The following STXBP6 variants were observed in gnomAD, a reference collection of about 807,000 sequenced individuals.
STXBP6 encodes syntaxin binding protein 6, also known as syntaxin-binding protein 6.
A neutral mutation model predicts 26.9 loss-of-function variants in STXBP6; 21 were observed. That is an observed-to-expected ratio of 0.78 (90% CI 0.55 to 1.12). STXBP6 has a LOEUF of 1.12. Ranked by LOEUF, STXBP6 falls within the 50% of genes most tolerant of loss-of-function variation. The pLI is 0.00. For synonymous variants in STXBP6, 97 were observed against 92.6 expected, an observed-to-expected ratio of 1.05 and a Z score of -0.27; for missense variants, 232 against 257.9, an observed-to-expected ratio of 0.90 and a Z score of 0.69.
chr14:24,935,758 C>A (rs934920068), intron 2 of STXBP6, among the ~76,000 whole-genome samples: 31 of 152,130 alleles, frequency 2.0e-4, no homozygotes, highest in African/African-American at 7.0e-4. Flanking sequence ...TCTTTGACTT[C>A]TTTTATTGAA....
At chr14:24,818,823 C>A (rs191768900) in intron 5 of STXBP6, among the ~76,000 whole-genome samples, 1 of 152,076 alleles carries the variant, frequency 6.6e-6, no homozygotes, top group Non-Finnish European at 1.5e-5. Flanking sequence ...GTCAGAGATA[C>A]GGCTGAGGAC....
chr14:24,817,009 T>C (rs2067998753), intron 5 of STXBP6: 1 of 152,224 alleles, frequency 6.6e-6, no homozygotes, highest in African/African-American at 2.4e-5. Context: ...CTCATTCAAT[T>C]CTCTGAACAC....
At chr14:24,983,479 T>A (rs770943986) in intron 1 of STXBP6, among the ~76,000 whole-genome samples, 14 of 152,242 alleles carry the variant, frequency 9.2e-5, no homozygotes, top group Non-Finnish European at 1.3e-4. Flanking sequence ...CTGCACTACT[T>A]GCTGAATTAG....
chr14:24,818,067 GTGTTTC>G, intron 5 of STXBP6: 1 of 456,680 alleles, frequency 2.2e-6, no homozygotes, highest in Non-Finnish European at 4.4e-6. Flanking sequence ...AGCAGAAGTG[GTGTTTC>G]TGTTAAAGCC....
intron 1 of STXBP6, among the ~76,000 whole-genome samples, chr14:25,013,322 T>C (rs1381852929): frequency 1.3e-5 from 2 of 152,160 alleles, no homozygotes; most frequent in African/African-American, 2.4e-5. Flanking sequence ...GCCAAACAGA[T>C]GATTGGATTG....
intron 2 of STXBP6, among the ~76,000 whole-genome samples, chr14:24,860,902 T>C (rs934968121): frequency 6.8e-6 from 1 of 146,468 alleles, no homozygotes; most frequent in African/African-American, 2.5e-5. Context: ...AAGGAAACAA[T>C]CAGTATATAC....
At chr14:24,974,609 T>C (rs2073993781) in intron 2 of STXBP6, 56 bp downstream of exon 2, 4 of 1,458,934 alleles carry the variant, frequency 2.7e-6, no homozygotes, top group South Asian at 1.3e-5. Context: ...TACCTCAGAA[T>C]GAACTGTTTT....
chr14:24,971,460 A>C (rs1207290322), intron 2 of STXBP6, among the ~76,000 whole-genome samples: 1 of 152,236 alleles, frequency 6.6e-6, no homozygotes, highest in Non-Finnish European at 1.5e-5. Context: ...ACCAAACCAC[A>C]ATAGTTGAAG....
chr14:24,986,022 A>G (rs2140261356), intron 1 of STXBP6, among the ~76,000 whole-genome samples: 1 of 152,302 alleles, frequency 6.6e-6, no homozygotes, highest in Non-Finnish European at 1.5e-5. Flanking sequence ...TAATGTAAAT[A>G]GTAGAGCAGT....
intron 1 of STXBP6, among the ~76,000 whole-genome samples, chr14:25,029,323 A>G (rs1225038849): frequency 4.6e-5 from 7 of 152,314 alleles, no homozygotes; most frequent in African/African-American, 1.4e-4. Flanking sequence ...CATTCTGACC[A>G]GGCAGCAGTC....
chr14:24,969,134 G>A (rs889941559), intron 2 of STXBP6, among the ~76,000 whole-genome samples: 3 of 152,122 alleles, frequency 2.0e-5, no homozygotes, highest in Non-Finnish European at 2.9e-5. Context: ...TCATCAAAAA[G>A]CATTCAGAAC....
In STXBP6 at chr14:25,049,736, G is replaced by T. The variant is rs2075777217; in HGVS notation, c.-33+142C>A. ...CCCGCCAACTTGGAAGAATCTCTCT[G>T]GGAGCCTGCCTACTCCCCTGGCCTC... On this transcript the variant is annotated intron_variant, in intron 1 of 5. Transcript: ENST00000323944. The surrounding 1 kb of genome is among the most constrained non-coding windows in gnomAD (Gnocchi z 5.6). 1 of 985,540 alleles carries T rather than the reference G, an allele frequency of 1.0e-6. No homozygotes were observed. Among genetic ancestry groups the T allele is most frequent in the Non-Finnish European group, 1.2e-6 (1 of 830,076 alleles). 61.0% of individuals were successfully genotyped at this position (985,540 alleles called of 1,614,324 possible).
intron 4 of STXBP6, among the ~76,000 whole-genome samples, chr14:24,846,563 A>G (rs2068969989): frequency 6.6e-6 from 1 of 152,200 alleles, no homozygotes; most frequent in Non-Finnish European, 1.5e-5. Context: ...AGGTTGCCAG[A>G]TAAAAATGAC....
intron 2 of STXBP6, among the ~76,000 whole-genome samples, chr14:24,954,313 G>C (rs932627098): frequency 2.0e-5 from 3 of 152,122 alleles, no homozygotes; most frequent in African/African-American, 7.2e-5. Flanking sequence ...TAAGGTGGGA[G>C]GGGAGCAGAC....
chr14:24,835,481 G>A (rs1254586826), intron 4 of STXBP6, among the ~76,000 whole-genome samples: 2 of 152,146 alleles, frequency 1.3e-5, no homozygotes, highest in Non-Finnish European at 2.9e-5. Flanking sequence ...TTTTGTATAT[G>A]AGGGTGAGAG....
At chr14:25,016,008 C>T (rs1595323600) in intron 1 of STXBP6, among the ~76,000 whole-genome samples, 1 of 152,136 alleles carries the variant, frequency 6.6e-6, no homozygotes, top group Admixed American at 6.5e-5. Context: ...CACTGTGCAG[C>T]TTCTCTTGCA....
At chr14:24,927,367 C>T (rs570358505) in intron 2 of STXBP6, among the ~76,000 whole-genome samples, 3 of 152,154 alleles carry the variant, frequency 2.0e-5, no homozygotes, top group Non-Finnish European at 4.4e-5. Context: ...ACTTTGTTTC[C>T]TCCTTGGCCT....
At chr14:24,886,989 T>C (rs974856559) in intron 2 of STXBP6, among the ~76,000 whole-genome samples, 3 of 152,148 alleles carry the variant, frequency 2.0e-5, no homozygotes, top group Non-Finnish European at 2.9e-5. Context: ...TTCTAAACAA[T>C]AAACATGCAA....
chr14:24,924,482 C>G (rs1176258455), intron 2 of STXBP6, among the ~76,000 whole-genome samples: 1 of 152,090 alleles, frequency 6.6e-6, no homozygotes, highest in Non-Finnish European at 1.5e-5. Context: ...TTTGAGTTCA[C>G]TTAGAAATAG....
Sources: allele counts gnomAD v4.1 joint callset (sites outside exome capture counted in the v4.1 genomes callset), GRCh38; gene constraint gnomAD v4.1.1; non-coding constraint Gnocchi (gnomAD v3.1); transcripts MANE v1.5; gene names NCBI Gene and HGNC (gene_info 2026-07-23, HGNC 2026-07-21).